Variants in PPM1F observed in about 807,000 individuals in gnomAD.
PPM1F encodes protein phosphatase, Mg2+/Mn2+ dependent 1F, also known as protein phosphatase 1F.
PPM1F carries 17 observed loss-of-function variants against 35.5 expected under a neutral mutation model. The ratio of observed to expected loss-of-function variants is 0.48; its 90% CI spans 0.33 to 0.72. PPM1F has a LOEUF of 0.72. Ranked by LOEUF, PPM1F falls within the 30% of genes least tolerant of loss-of-function variation. PPM1F has a pLI of 0.02. For missense variants in PPM1F, 521 were observed against 613.0 expected, an observed-to-expected ratio of 0.85 and a Z score of 1.59; for synonymous variants, 241 against 255.5, an observed-to-expected ratio of 0.94 and a Z score of 0.54.
intron 2 of PPM1F, chr22:21,945,096 A>C (rs536274627): frequency 1.3e-5 from 2 of 152,326 alleles, no homozygotes; most frequent in African/African-American, 4.8e-5. Flanking sequence ...ATCAGCTGCT[A>C]TGCAATAAAT....
chr22:21,933,086 C>T (rs2070612102), intron 5 of PPM1F, among the ~76,000 whole-genome samples: 1 of 152,174 alleles, frequency 6.6e-6, no homozygotes, highest in Admixed American at 6.5e-5. Context: ...TGTCACCTTG[C>T]CATATCTCAT....
At chr22:21,942,427 T>A (rs2070735446) in intron 2 of PPM1F, 1 of 152,218 alleles carries the variant, frequency 6.6e-6, no homozygotes, top group African/African-American at 2.4e-5. Flanking sequence ...TGAGCCACCA[T>A]GCTCAGCAGA....
chr22:21,934,595 C>T (rs2070636528), intron 3 of PPM1F: 1 of 193,620 alleles, frequency 5.2e-6, no homozygotes, highest in Non-Finnish European at 1.1e-5. Flanking sequence ...AAATTATGAT[C>T]TAGTCTCGGC....
intron 3 of PPM1F, chr22:21,938,168 C>T: frequency 1.5e-6 from 2 of 1,303,398 alleles, no homozygotes; most frequent in Non-Finnish European, 2.0e-6. Context: ...GAGCGTAGGA[C>T]TGGGCTGGTG....
chr22:21,950,503 T>C (rs2070824496), intron 1 of PPM1F: 1 of 152,070 alleles, frequency 6.6e-6, no homozygotes, highest in South Asian at 2.1e-4. Flanking sequence ...ATAGAAAAAA[T>C]ACTTGTTGAG....
At chr22:21,928,952 C>T (rs1166464847) in intron 6 of PPM1F, among the ~76,000 whole-genome samples, 2 of 152,184 alleles carry the variant, frequency 1.3e-5, no homozygotes, top group African/African-American at 4.8e-5. Context: ...GTATCTTGTG[C>T]AGAGTGGGCA....
chr22:21,929,764 T>C (rs1434630317), intron 6 of PPM1F, among the ~76,000 whole-genome samples: 8 of 152,248 alleles, frequency 5.3e-5, no homozygotes, highest in South Asian at 2.1e-4. Flanking sequence ...TTTTCTCCTC[T>C]GTACAATGGG....
chr22:21,925,562 C>T lies in PPM1F; in HGVS notation c.985+7G>A. ...CTCCCACTTGGGTCGGCCTCTTTGG[C>T]TCTCACCGATGGCTCTGGAGACGGC... is the stretch of plus-strand genomic sequence containing the variant. On this transcript the variant is annotated splice_region_variant and intron_variant, in intron 7 of 7. Transcript: ENST00000263212. 1 of 1,613,724 alleles carries T rather than the reference C, an allele frequency of 6.2e-7. No homozygotes were observed. The highest frequency in any genetic ancestry group is 8.5e-7 in the Non-Finnish European group (1 of 1,179,772).
chr22:21,939,251 G>A lies in PPM1F; in HGVS notation c.355+281C>T. 1 of 445,804 alleles carries A rather than the reference G, an allele frequency of 2.2e-6. No homozygotes were observed. The highest frequency in any genetic ancestry group is 4.1e-6 in the Non-Finnish European group (1 of 246,628). The allele number at this position is 445,804 out of a possible 1,614,324, so 27.6% of individuals were successfully genotyped here. Reference sequence around the variant, plus strand: ...GGGATAAGCATCTTTAATTTCCTGGGCTGTTCTGGAACTTCAGTCAGACAG... The same window carrying A: ...GGGATAAGCATCTTTAATTTCCTGGACTGTTCTGGAACTTCAGTCAGACAG... On this transcript the variant is annotated intron_variant, in intron 3 of 7. Transcript: ENST00000263212. The surrounding 1 kb of genome is among the most constrained non-coding windows in gnomAD (Gnocchi z 5.1).
At chr22:21,941,222 T>C (rs1416542874) in intron 2 of PPM1F, 2 of 152,346 alleles carry the variant, frequency 1.3e-5, no homozygotes, top group Admixed American at 1.3e-4. Flanking sequence ...CCGCCTTTGG[T>C]CTGTTTGAAG....
Position 21,925,565 on chromosome 22 carries a change from T to TC in PPM1F, c.985+3dup. On this transcript the variant is annotated splice_donor_region_variant and intron_variant, in intron 7 of 7. Coordinates refer to ENST00000263212, the MANE Select transcript of PPM1F (RefSeq NM_014634.4). ...CCACTTGGGTCGGCCTCTTTGGCTC[T>TC]CACCGATGGCTCTGGAGACGGCCAG... 1 of 1,613,812 alleles carries TC rather than the reference T, an allele frequency of 6.2e-7. No individual in the cohort carries two copies. The highest frequency in any genetic ancestry group is 8.5e-7 in the Non-Finnish European group (1 of 1,179,834).
chr22:21,923,045 G>A lies in PPM1F; in HGVS notation c.*47C>T, dbSNP rs771564084. 1 of 1,541,892 alleles carries A rather than the reference G, an allele frequency of 6.5e-7. No individual in the cohort carries two copies. The highest frequency in any genetic ancestry group is 8.7e-7 in the Non-Finnish European group (1 of 1,147,058). ...TGGGTCCTGAGGCTTCTGAGGGAGA[G>A]AAGGACAAGGATGGGAGGAAGGGGA... On this transcript the variant is annotated 3_prime_UTR_variant, in exon 8 of 8. Coordinates refer to ENST00000263212, the MANE Select transcript of PPM1F (RefSeq NM_014634.4).
At position 21,929,918 on chromosome 22, in the gene PPM1F, T is replaced by G. The variant is rs567303719; in HGVS notation, c.891+1230A>C. The stretch of plus-strand genomic sequence containing the variant: ...AGAAGCCACAAAAAGACTACTCAAC[T>G]ACAGAAAAACACAAAGCCTCCATGT... On this transcript the variant is annotated intron_variant, in intron 6 of 7. Transcript: ENST00000263212. Among the ~76,000 whole-genome samples, 24 of 152,088 alleles carry G rather than the reference T, an allele frequency of 1.6e-4. No homozygotes were observed. In the South Asian group the frequency reaches 2.5e-3, roughly 16 times the overall value.
intron 1 of PPM1F, chr22:21,947,438 CTACGCAGT>C (rs2070788489): frequency 6.6e-6 from 1 of 152,200 alleles, no homozygotes; most frequent in Non-Finnish European, 1.5e-5. Flanking sequence ...TCAGCGAGTC[CTACGCAGT>C]AGTGGATGAG....
At position 21,923,198 on chromosome 22, in the gene PPM1F, A is replaced by T; in HGVS notation, c.1259T>A (p.Leu420Gln). The T allele has an allele frequency of 6.2e-7, 1 of 1,613,418 alleles. No homozygotes were observed. Among genetic ancestry groups the T allele is most frequent in the South Asian group, 1.1e-5 (1 of 91,040 alleles). ...CCCTTCTCCCTGGTTCCCGCCCTCC[A>T]GCAGCTCTTGGGGGTCCCTGAGGAA... ...VVFLRDPQEL[L>Q]EGGNQGEGDP... The change falls in exon 8 of 8, where the codon CTG becomes CAG. Residue 420 changes from leucine to glutamine, a missense_variant. Physicochemically the swap from Leu to Gln is moderately radical, Grantham distance 113. Around this residue, in one of 3 missense-constraint regions of PPM1F, gnomAD observed 163 missense variants for 169.6 expected, o/e 0.96. Coordinates refer to ENST00000263212, the MANE Select transcript of PPM1F (RefSeq NM_014634.4).
At position 21,939,177 on chromosome 22, in the gene PPM1F, C is replaced by G. The variant is rs183270349; in HGVS notation, c.355+355G>C. 1.2e-4 allele frequency: 26 copies of G among 212,270 alleles called. No homozygotes were observed. The East Asian group carries it at 2.4e-3, about 20-fold the overall frequency. The allele number at this position is 212,270 out of a possible 1,614,324, so 13.1% of individuals were successfully genotyped here. The stretch of plus-strand genomic sequence containing the variant: ...AGTTACAACACTGAGGGCACTTGAA[C>G]CTGGCTGCATGACCAGAGATCGATC... On this transcript the variant is annotated intron_variant, in intron 3 of 7. Transcript: ENST00000263212. This position sits in a 1 kb window ranked among gnomAD's most constrained non-coding sequence, Gnocchi z 5.1.
intron 7 of PPM1F, chr22:21,924,888 A>T (rs555033921): frequency 5.3e-5 from 8 of 149,994 alleles, no homozygotes; most frequent in African/African-American, 2.0e-4. Context: ...ACTTTTTAAA[A>T]TTTTTATTTA....
chr22:21,949,070 C>T (rs959211288), intron 1 of PPM1F: 2 of 152,468 alleles, frequency 1.3e-5, no homozygotes, highest in African/African-American at 4.8e-5. Flanking sequence ...CTCTCTGTGC[C>T]TTGTGCCCAC....
intron 6 of PPM1F, 44 bp from the exon 7 acceptor site, chr22:21,925,706 G>A (rs761092884): frequency 5.4e-6 from 8 of 1,485,996 alleles, no homozygotes; most frequent in African/African-American, 4.2e-5. Context: ...CGGGGGGATG[G>A]GGCGTGAAGC....
Sources: allele counts gnomAD v4.1 joint callset (sites outside exome capture counted in the v4.1 genomes callset), GRCh38; gene constraint gnomAD v4.1.1; regional missense constraint gnomAD v4.1.1; non-coding constraint Gnocchi (gnomAD v3.1); transcripts MANE v1.5; gene names NCBI Gene and HGNC (gene_info 2026-07-23, HGNC 2026-07-21).